CACNA1A: variants seen among roughly 807,000 people sequenced by gnomAD.
The protein encoded by CACNA1A is voltage-dependent P/Q-type calcium channel subunit alpha-1A.
CACNA1A carries 57 observed loss-of-function variants against 262.4 expected under a neutral mutation model. That is an observed-to-expected ratio of 0.22 (90% confidence interval 0.18 to 0.27). The LOEUF (loss-of-function observed/expected upper bound fraction) is 0.27, where lower values mean the gene tolerates loss of function less well. Among genes scored for constraint, CACNA1A ranks in the 10% least tolerant of loss-of-function variants. The pLI, the probability that CACNA1A is intolerant of heterozygous loss-of-function variation, is 1.00. For missense variants in CACNA1A, 2,526 were observed against 3,562.8 expected, an observed-to-expected ratio of 0.71 and a Z score of 7.41; for synonymous variants, 1,431 against 1,419.3, an observed-to-expected ratio of 1.01 and a Z score of -0.18.
At chr19:13,413,911 G>GAAAAGAAAAGAAAAGAAAAGA (rs1429238331) in intron 3 of CACNA1A, among the ~76,000 whole-genome samples, 1 of 100,162 alleles carries the variant, frequency 1.0e-5, no homozygotes, top group Admixed American at 9.6e-5. Flanking sequence ...AAGAAAGAAA[G>GAAAAGAAAAGAAAAGAAAAGA]AAAGAAAGAA....
intron 3 of CACNA1A, among the ~76,000 whole-genome samples, chr19:13,432,448 T>TAAATAAAA (rs530882941): frequency 2.7e-5 from 4 of 150,140 alleles, no homozygotes; most frequent in Admixed American, 6.6e-5. Context: ...AATAAATAAA[T>TAAATAAAA]AAAAATTAAA....
chr19:13,213,706 A>G (rs2054899989), intron 40 of CACNA1A: 1 of 101,030 alleles, frequency 9.9e-6, no homozygotes, highest in Non-Finnish European at 1.9e-5. Context: ...TTTTTGAGAT[A>G]GAGTCCTGCT....
Position 13,340,023 on chromosome 19 carries a change from G to A in CACNA1A, c.979-4114C>T, listed in dbSNP as rs1259495318. ...ATCACTTTGGCGGCTGAGGGTTCTC[G>A]TTCCCATTTCTCAGGGCTAAATATA... On this transcript the variant is annotated intron_variant, in intron 6 of 46. Coordinates refer to ENST00000360228, the MANE Select transcript of CACNA1A (RefSeq NM_001127222.2). 5.3e-5 allele frequency among the ~76,000 whole-genome samples: 8 copies of A among 152,242 alleles called. No individual in the cohort carries two copies. The East Asian group carries it at 1.2e-3, about 22-fold the overall frequency.
chr19:13,342,956 T>C (rs149335539), intron 6 of CACNA1A, among the ~76,000 whole-genome samples: 271 of 152,292 alleles, frequency 1.8e-3, no homozygotes, highest in African/African-American at 6.3e-3. Context: ...AGGGGGTCTC[T>C]GTTGCCCAGG....
chr19:13,228,815 G>T, intron 36 of CACNA1A: 1 of 1,439,640 alleles, frequency 6.9e-7, no homozygotes, highest in Non-Finnish European at 9.6e-7. Flanking sequence ...GAAGAAAGGG[G>T]GTTAGTGCAG....
At chr19:13,251,507 A>C (rs2056398305) in intron 30 of CACNA1A, among the ~76,000 whole-genome samples, 1 of 152,132 alleles carries the variant, frequency 6.6e-6, no homozygotes, top group African/African-American at 2.4e-5. Flanking sequence ...CAACAACAAA[A>C]AAACACTGAG....
intron 23 of CACNA1A, among the ~76,000 whole-genome samples, chr19:13,276,697 C>CT (rs33970596): frequency 0.49 from 61,523 of 124,736 alleles, 16,363 homozygotes; most frequent in Non-Finnish European, 0.53. Context: ...AATCCCAGCT[C>CT]TTTTTTTTTT....
At chr19:13,221,801 C>T (rs1226196354) in intron 38 of CACNA1A, among the ~76,000 whole-genome samples, 1 of 152,198 alleles carries the variant, frequency 6.6e-6, no homozygotes, top group Non-Finnish European at 1.5e-5. Context: ...GGAGCCCACA[C>T]TGCCCTGGTC....
intron 3 of CACNA1A, among the ~76,000 whole-genome samples, chr19:13,410,525 T>C (rs1053957285): frequency 2.2e-5 from 3 of 138,586 alleles, no homozygotes; most frequent in African/African-American, 3.3e-5. Context: ...CTTTTTTTTT[T>C]CTTTATTCTT....
chr19:13,212,583 G>T lies in CACNA1A; in HGVS notation c.6050+48C>A, dbSNP rs2054855311. On this transcript the variant is annotated intron_variant, in intron 41 of 46. Coordinates refer to ENST00000360228, the MANE Select transcript of CACNA1A (RefSeq NM_001127222.2). This position sits in a 1 kb window ranked among gnomAD's most constrained non-coding sequence, Gnocchi z 5.6. ...GCTTGGGCAGCTTCCAGAACGTGGG[G>T]ACCACGGCACCCCCACACTCCACCT... 4 of 1,512,524 alleles carry T rather than the reference G, an allele frequency of 2.6e-6. No individual in the cohort carries two copies. The East Asian group carries it at 9.7e-5, about 37-fold the overall frequency. 93.7% of individuals were successfully genotyped at this position (1,512,524 alleles called of 1,614,324 possible). A position where few individuals can be genotyped will look rare whatever the true frequency, so the allele number is the denominator to read the frequency against.
rs1436811838 is a variant in CACNA1A at position 13,207,436 on chromosome 19, A to T, written c.7398T>A (p.Ser2466=). The T allele has an allele frequency of 6.6e-7, 1 of 1,519,756 alleles. No homozygotes were observed. 94.1% of individuals were successfully genotyped at this position (1,519,756 alleles called of 1,614,324 possible). Residue 2466 remains serine (S), a synonymous_variant, in exon 47 of 47, where the codon TCT becomes TCA. Transcript: ENST00000360228. This position sits in a 1 kb window ranked among gnomAD's most constrained non-coding sequence, Gnocchi z 5.7. ...RASGPACASP[S]RHGRRLPNGY... The stretch of plus-strand genomic sequence containing the variant: ...CGTTGGGGAGTCGCCGGCCGTGCCG[A>T]GAAGGCGAGGCGCAGGCCGGGCCCG...
intron 6 of CACNA1A, among the ~76,000 whole-genome samples, chr19:13,345,932 G>C (rs140062466): frequency 0.015 from 1,931 of 127,192 alleles, 43 homozygotes; most frequent in Middle Eastern, 0.09. Flanking sequence ...ACAGAGTCTC[G>C]CTCTGTCACC....
intron 11 of CACNA1A, chr19:13,315,465 C>T (rs762161240): frequency 2.0e-5 from 3 of 152,020 alleles, no homozygotes; most frequent in Non-Finnish European, 4.4e-5. Flanking sequence ...CACTGAGGAC[C>T]CAGGCAGGAA....
intron 24 of CACNA1A, among the ~76,000 whole-genome samples, chr19:13,268,865 T>C (rs1218725854): frequency 3.3e-5 from 5 of 150,810 alleles, no homozygotes; most frequent in African/African-American, 1.2e-4. Flanking sequence ...CTAGGAATTA[T>C]TGCATACGTA....
intron 3 of CACNA1A, among the ~76,000 whole-genome samples, chr19:13,380,729 A>ATTGG (rs1219630156): frequency 7.3e-4 from 102 of 139,100 alleles, no homozygotes; most frequent in South Asian, 2.8e-3. Flanking sequence ...AAATTCATTT[A>ATTGG]TTGGTTTGTT....
At chr19:13,245,425 T>C in intron 30 of CACNA1A, 160 bp from the exon 31 acceptor site, 1 of 642,272 alleles carries the variant, frequency 1.6e-6, no homozygotes, top group Admixed American at 2.2e-5. Context: ...TTCGACATCA[T>C]CTGTGCTGAG....
intron 30 of CACNA1A, among the ~76,000 whole-genome samples, chr19:13,245,891 C>T (rs180759295): frequency 5.1e-4 from 78 of 152,178 alleles, no homozygotes; most frequent in South Asian, 1.2e-3. Context: ...AGGCTGGTCT[C>T]GAACTTCTGA....
intron 23 of CACNA1A, among the ~76,000 whole-genome samples, 159 bp downstream of exon 23, chr19:13,276,910 C>T (rs900709566): frequency 6.6e-6 from 1 of 151,906 alleles, no homozygotes; most frequent in Non-Finnish European, 1.5e-5. Context: ...TGGGGTTTCA[C>T]CATGTTGGCC....
In CACNA1A at chr19:13,269,724, G is replaced by T. The variant is rs917733017; in HGVS notation, c.3989+6126C>A. ...TACCACGTGTGATGGCTCATGAAAT[G>T]GGGTGTTTATGGTAGACGCATGGAT... On this transcript the variant is annotated intron_variant, in intron 24 of 46. Coordinates refer to ENST00000360228, the MANE Select transcript of CACNA1A (RefSeq NM_001127222.2). Among the ~76,000 whole-genome samples the T allele has an allele frequency of 5.9e-5, 9 of 152,320 alleles. No homozygotes were observed. The East Asian group carries it at 7.7e-4, about 13-fold the overall frequency.
Sources: allele counts gnomAD v4.1 joint callset (sites outside exome capture counted in the v4.1 genomes callset), GRCh38; gene constraint gnomAD v4.1.1; non-coding constraint Gnocchi (gnomAD v3.1); transcripts MANE v1.5; gene names NCBI Gene and HGNC (gene_info 2026-07-23, HGNC 2026-07-21).